Variants in EDNRA observed in about 807,000 individuals in gnomAD.
EDNRA encodes the protein endothelin-1 receptor.
EDNRA carries 11 observed loss-of-function variants against 41.4 expected under a neutral mutation model. The observed-to-expected ratio is 0.27, with a 90% CI of 0.17 to 0.44. EDNRA has a LOEUF of 0.44. Ranked by LOEUF, EDNRA falls within the 20% of genes least tolerant of loss-of-function variation. The pLI, the probability that EDNRA is intolerant of heterozygous loss-of-function variation, is 1.00. For missense variants in EDNRA, 294 were observed against 531.0 expected (o/e 0.55, Z 4.39); for synonymous variants, 172 against 183.0 (o/e 0.94, Z 0.49).
In EDNRA at chr4:147,542,789, A is replaced by G; in HGVS notation, c.*171A>G. The G allele has an allele frequency of 1.4e-6, 1 of 709,496 alleles. No homozygotes were observed. Among genetic ancestry groups the G allele is most frequent in the Non-Finnish European group, 2.2e-6 (1 of 449,560 alleles). 44.0% of individuals were successfully genotyped at this position (709,496 alleles called of 1,614,324 possible). A position where few individuals can be genotyped will look rare whatever the true frequency, so the allele number is the denominator to read the frequency against. The stretch of plus-strand genomic sequence containing the variant: ...AGGGTAGACTGGTTTATCCACCCAC[A>G]ACATCTACGAATCGTACTTCTTTAA... On this transcript the variant is annotated 3_prime_UTR_variant, in exon 8 of 8. Coordinates refer to ENST00000651419, the MANE Select transcript of EDNRA (RefSeq NM_001957.4).
chr4:147,509,098 ACAGT>A (rs1412712307), intron 2 of EDNRA, among the ~76,000 whole-genome samples: 1 of 152,114 alleles, frequency 6.6e-6, no homozygotes, highest in Non-Finnish European at 1.5e-5. Context: ...CTTTTTTGGT[ACAGT>A]TTTGAATGGA....
intron 5 of EDNRA, among the ~76,000 whole-genome samples, chr4:147,537,477 A>G (rs1730955307): frequency 6.6e-6 from 1 of 152,198 alleles, no homozygotes. Flanking sequence ...TGTGAAAAAC[A>G]GTGTTTTAAA....
chr4:147,517,387 G>A (rs1282858778), intron 2 of EDNRA, among the ~76,000 whole-genome samples: 1 of 152,132 alleles, frequency 6.6e-6, no homozygotes, highest in Non-Finnish European at 1.5e-5. Context: ...ATTAACAAGC[G>A]GGTTCTACTT....
At chr4:147,484,487 C>T (rs950870356) in intron 1 of EDNRA, among the ~76,000 whole-genome samples, 1 of 152,188 alleles carries the variant, frequency 6.6e-6, no homozygotes, top group Non-Finnish European at 1.5e-5. Context: ...CACCTGTGGC[C>T]TTGACAAGCT....
At chr4:147,515,717 T>G (rs1730091982) in intron 2 of EDNRA, among the ~76,000 whole-genome samples, 1 of 152,146 alleles carries the variant, frequency 6.6e-6, no homozygotes, top group Admixed American at 6.5e-5. Flanking sequence ...TCAGGTATGT[T>G]CTAGAAAACT....
At chr4:147,497,856 C>T (rs868690695) in intron 2 of EDNRA, among the ~76,000 whole-genome samples, 1 of 152,176 alleles carries the variant, frequency 6.6e-6, no homozygotes, top group Non-Finnish European at 1.5e-5. Context: ...CAGGCCTGAG[C>T]CACCGCGCCC....
chr4:147,528,845 A>C (rs1475342988), intron 3 of EDNRA, among the ~76,000 whole-genome samples: 2 of 152,278 alleles, frequency 1.3e-5, no homozygotes, highest in East Asian at 3.9e-4. Context: ...GAAGTGAGGA[A>C]GCAGCTCTGA....
intron 2 of EDNRA, among the ~76,000 whole-genome samples, chr4:147,500,804 A>G (rs1729493550): frequency 6.6e-6 from 1 of 152,032 alleles, no homozygotes; most frequent in South Asian, 2.1e-4. Flanking sequence ...CAACCATGTC[A>G]TTCTGCCAGC....
At chr4:147,513,658 C>G (rs933850766) in intron 2 of EDNRA, among the ~76,000 whole-genome samples, 27 of 152,286 alleles carry the variant, frequency 1.8e-4, no homozygotes, top group African/African-American at 6.5e-4. Context: ...TTTTTAAAGC[C>G]TGATACCTGG....
At chr4:147,532,187 G>A (rs570060901) in intron 3 of EDNRA, among the ~76,000 whole-genome samples, 4 of 148,140 alleles carry the variant, frequency 2.7e-5, no homozygotes, top group African/African-American at 7.5e-5. Context: ...TTAGCCGGGC[G>A]TGGTGGCAGG....
intron 2 of EDNRA, among the ~76,000 whole-genome samples, chr4:147,504,307 T>C (rs988634141): frequency 6.6e-6 from 1 of 152,228 alleles, no homozygotes; most frequent in African/African-American, 2.4e-5. Flanking sequence ...TTAAAATATG[T>C]TGTCTCTCTT....
chr4:147,517,724 A>G (rs1730164474), intron 2 of EDNRA, among the ~76,000 whole-genome samples: 1 of 152,188 alleles, frequency 6.6e-6, no homozygotes, highest in African/African-American at 2.4e-5. Flanking sequence ...AGACAATTCC[A>G]TGATCTTTTT....
Position 147,535,907 on chromosome 4 carries a change from T to C in EDNRA, c.778T>C (p.Phe260Leu). Residue 260 changes from phenylalanine (F) to leucine (L), a missense_variant, in exon 5 of 8, where the codon TTC becomes CTC. Transcript: ENST00000651419. ...FYQDVKDWWLFGFYFCMPLVC... is the reference protein window; with the variant it reads ...FYQDVKDWWLLGFYFCMPLVC... The stretch of plus-strand genomic sequence containing the variant: ...CCAAGATGTAAAGGACTGGTGGCTC[T>C]TCGGGTTCTATTTCTGTATGCCCTT... The C allele has an allele frequency of 6.2e-7, 1 of 1,613,934 alleles. No individual in the cohort carries two copies. The highest frequency in any genetic ancestry group is 8.5e-7 in the Non-Finnish European group (1 of 1,179,872).
chr4:147,481,600 T>C (rs930655016), intron 1 of EDNRA, among the ~76,000 whole-genome samples: 1 of 152,332 alleles, frequency 6.6e-6, no homozygotes, highest in Admixed American at 6.5e-5. Flanking sequence ...CGGACACGTG[T>C]AGAGTTCGGG....
chr4:147,529,652 C>G (rs1169993181), intron 3 of EDNRA, among the ~76,000 whole-genome samples: 3 of 152,064 alleles, frequency 2.0e-5, no homozygotes, highest in Non-Finnish European at 4.4e-5. Context: ...TGCAGATTTT[C>G]CATGACAACT....
In EDNRA at chr4:147,503,035, ATT is replaced by A. The variant is rs374331446; in HGVS notation, c.421-16812_421-16811del. On this transcript the variant is annotated intron_variant, in intron 2 of 7. Transcript: ENST00000651419. ...ATGGCTTTCCAGTAAATAAAATAAT[ATT>A]TTTACATTTTCTTTTGTTCAGCCTT... is the stretch of plus-strand genomic sequence containing the variant. Among the ~76,000 whole-genome samples the A allele has an allele frequency of 9.4e-4, 143 of 152,166 alleles. 6 individuals are homozygous for A. In the South Asian group the frequency reaches 0.028, roughly 30 times the overall value.
intron 5 of EDNRA, among the ~76,000 whole-genome samples, chr4:147,538,984 ATGCACACCAATGAATGGT>A (rs2126485748): frequency 6.6e-6 from 1 of 152,238 alleles, no homozygotes; most frequent in South Asian, 2.1e-4. Context: ...TACTCAAATA[ATGCACACCAATGAATGGT>A]TGCAGATAAT....
At chr4:147,494,103 T>C (rs970329521) in intron 2 of EDNRA, 1 of 152,188 alleles carries the variant, frequency 6.6e-6, no homozygotes, top group African/African-American at 2.4e-5. Flanking sequence ...CCTGTTATTT[T>C]AGATCAAATT....
intron 5 of EDNRA, among the ~76,000 whole-genome samples, chr4:147,538,503 C>T (rs1460501156): frequency 6.6e-6 from 1 of 152,218 alleles, no homozygotes; most frequent in Non-Finnish European, 1.5e-5. Flanking sequence ...TGTACTAATA[C>T]TGCTTTTAAA....
Sources: allele counts gnomAD v4.1 joint callset (sites outside exome capture counted in the v4.1 genomes callset), GRCh38; gene constraint gnomAD v4.1.1; transcripts MANE v1.5; gene names NCBI Gene and HGNC (gene_info 2026-07-23, HGNC 2026-07-21).